The following LPP variants were observed in gnomAD, a reference collection of about 807,000 sequenced individuals.
LPP encodes the protein lipoma-preferred partner.
In LPP, 38 loss-of-function variants were observed where a neutral mutation model predicts 60.4. That is an observed-to-expected ratio of 0.63 (90% CI 0.49 to 0.83). The LOEUF is 0.83. LPP is among the 40% of genes least tolerant of loss of function. The probability of loss-of-function intolerance (pLI) is 0.00; values close to 1 mark genes in which losing one functional copy is unlikely to be tolerated. For synonymous variants in LPP, 328 were observed against 290.8 expected (o/e 1.13, Z -1.30); for missense variants, 902 against 783.6 (o/e 1.15, Z -1.80).
At chr3:188,279,448 A>G (rs1328931418) in intron 2 of LPP, among the ~76,000 whole-genome samples, 1 of 152,230 alleles carries the variant, frequency 6.6e-6, no homozygotes, top group Non-Finnish European at 1.5e-5. Flanking sequence ...GAACATGGGT[A>G]TAGATATAAC....
intron 4 of LPP, among the ~76,000 whole-genome samples, chr3:188,464,700 T>C (rs1799934819): frequency 6.6e-6 from 1 of 152,140 alleles, no homozygotes; most frequent in Admixed American, 6.6e-5. Flanking sequence ...GATGGATCAA[T>C]ACTTGTTCTA....
chr3:188,522,169 G>C (rs1320210116), intron 5 of LPP, among the ~76,000 whole-genome samples: 2 of 152,126 alleles, frequency 1.3e-5, no homozygotes, highest in African/African-American at 4.8e-5. Flanking sequence ...AGTTTAATCA[G>C]ACTGGAAATT....
chr3:188,810,318 G>C (rs959247364), intron 9 of LPP, among the ~76,000 whole-genome samples: 1 of 151,892 alleles, frequency 6.6e-6, no homozygotes, highest in Non-Finnish European at 1.5e-5. Context: ...TCTTTCCTTA[G>C]ATTTCAGGTT....
chr3:188,262,380 A>G (rs866124149), intron 2 of LPP, among the ~76,000 whole-genome samples: 6 of 151,980 alleles, frequency 3.9e-5, no homozygotes, highest in Non-Finnish European at 8.8e-5. Context: ...GGTTTTCAAT[A>G]TACAGGAAAC....
intron 7 of LPP, among the ~76,000 whole-genome samples, chr3:188,690,701 A>ATTC (rs530879902): frequency 6.6e-6 from 1 of 152,112 alleles, no homozygotes; most frequent in Non-Finnish European, 1.5e-5. Flanking sequence ...CTCTTTCCAC[A>ATTC]TTCTTCTTCT....
chr3:188,674,562 A>G (rs976818886), intron 7 of LPP, among the ~76,000 whole-genome samples: 1 of 152,204 alleles, frequency 6.6e-6, no homozygotes, highest in Non-Finnish European at 1.5e-5. Context: ...CTGAATTCAC[A>G]TAATCTCATG....
chr3:188,585,740 A>G (rs1459721844), intron 6 of LPP, among the ~76,000 whole-genome samples: 7 of 152,376 alleles, frequency 4.6e-5, no homozygotes, highest in South Asian at 2.1e-4. Flanking sequence ...AAAAGTAGAA[A>G]ACATGTAAAT....
intron 6 of LPP, among the ~76,000 whole-genome samples, chr3:188,599,177 G>A (rs562040102): frequency 1.3e-5 from 2 of 152,140 alleles, no homozygotes; most frequent in African/African-American, 4.8e-5. Flanking sequence ...ATTATACATG[G>A]CTGGGTATTT....
chr3:188,764,486 G>C (rs541524863), intron 9 of LPP, among the ~76,000 whole-genome samples: 14 of 152,102 alleles, frequency 9.2e-5, no homozygotes, highest in African/African-American at 3.1e-4. Flanking sequence ...CTTGGCTGTA[G>C]TTGCTATGGA....
chr3:188,828,823 T>C (rs182465223), intron 9 of LPP, among the ~76,000 whole-genome samples: 34 of 152,232 alleles, frequency 2.2e-4, no homozygotes, highest in Non-Finnish European at 1.5e-5. Flanking sequence ...CCTATAAATA[T>C]AGTGATTGTC....
chr3:188,384,789 C>CAAAAAAA (rs561284077), intron 3 of LPP, among the ~76,000 whole-genome samples: 1 of 51,448 alleles, frequency 1.9e-5, no homozygotes, highest in African/African-American at 7.9e-5. Context: ...GACTCTGTCT[C>CAAAAAAA]AAAAAAAAAA....
At chr3:188,586,969 T>C (rs1056726778) in intron 6 of LPP, among the ~76,000 whole-genome samples, 2 of 152,046 alleles carry the variant, frequency 1.3e-5, no homozygotes, top group Admixed American at 1.3e-4. Context: ...GACCTCGTGA[T>C]CCTCCCACCT....
chr3:188,753,781 G>A (rs1177987375), intron 8 of LPP, among the ~76,000 whole-genome samples: 4 of 152,190 alleles, frequency 2.6e-5, no homozygotes, highest in African/African-American at 4.8e-5. Context: ...GTGGGTGTGT[G>A]TGAGTGTGTA....
intron 8 of LPP, among the ~76,000 whole-genome samples, chr3:188,756,815 T>A (rs139326258): frequency 1.3e-5 from 2 of 152,342 alleles, no homozygotes; most frequent in East Asian, 3.9e-4. Context: ...AACTGGCCTG[T>A]GTCTGAGTCC....
At chr3:188,348,579 A>G (rs1330126749) in intron 3 of LPP, among the ~76,000 whole-genome samples, 2 of 152,158 alleles carry the variant, frequency 1.3e-5, no homozygotes, top group Non-Finnish European at 2.9e-5. Flanking sequence ...TCAAGATTCT[A>G]TTTCCTAACT....
rs34632883 is a variant in LPP, at chr3:188,163,951, C to CAAA, written c.-190+9713_-190+9715dup. ...GGGCAATAGAGCAAGACTCTGTCTC[C>CAAA]AAAAAAAAAAAAAAAAGTCTGCTGA... On this transcript the variant is annotated intron_variant, in intron 1 of 11. Coordinates refer to ENST00000617246, the MANE Select transcript of LPP (RefSeq NM_001375462.1). 9.2e-4 allele frequency among the ~76,000 whole-genome samples: 106 copies of CAAA among 115,128 alleles called. 2 individuals carry two copies. Among genetic ancestry groups the CAAA allele is most frequent in the African/African-American group, 2.5e-3 (71 of 28,042 alleles). 75.5% of individuals were successfully genotyped at this position (115,128 alleles called of 152,430 possible). A position where few individuals can be genotyped will look rare whatever the true frequency, so the allele number is the denominator to read the frequency against.
At chr3:188,311,292 G>A (rs1057381815) in intron 2 of LPP, among the ~76,000 whole-genome samples, 5 of 151,920 alleles carry the variant, frequency 3.3e-5, no homozygotes, top group Non-Finnish European at 7.4e-5. Flanking sequence ...GGGCAACATA[G>A]TGAGACCCCA....
At chr3:188,301,893 A>G (rs1344588417) in intron 2 of LPP, among the ~76,000 whole-genome samples, 1 of 151,572 alleles carries the variant, frequency 6.6e-6, no homozygotes, top group Non-Finnish European at 1.5e-5. Context: ...CCGGGCTCAA[A>G]CTATCTGCTT....
chr3:188,648,100 C>A (rs981703806), intron 7 of LPP, among the ~76,000 whole-genome samples: 3 of 152,106 alleles, frequency 2.0e-5, no homozygotes, highest in African/African-American at 4.8e-5. Context: ...TTTAATGGAA[C>A]CTTCCTCATA....
Sources: gnomAD v4.1 joint callset for allele counts (sites outside exome capture counted in the v4.1 genomes callset) on GRCh38, gnomAD v4.1.1 for gene constraint, MANE v1.5 for transcripts, NCBI Gene and HGNC (gene_info 2026-07-23, HGNC 2026-07-21) for gene names.